Variants in ZBTB46 observed in about 807,000 individuals in gnomAD.
ZBTB46 encodes the protein zinc finger and BTB domain containing 46.
A neutral mutation model predicts 44.1 loss-of-function variants in ZBTB46; 8 were observed. The ratio of observed to expected loss-of-function variants is 0.18; its 90% CI spans 0.11 to 0.33. The LOEUF (loss-of-function observed/expected upper bound fraction) is 0.33. ZBTB46 is among the 10% of genes least tolerant of loss of function. The probability of loss-of-function intolerance (pLI) is 1.00; values close to 1 mark genes in which losing one functional copy is unlikely to be tolerated. For missense variants in ZBTB46, 651 were observed against 847.7 expected (o/e 0.77, Z 2.88); for synonymous variants, 409 against 382.3 (o/e 1.07, Z -0.81).
At chr20:63,774,458 GCAAA>G in intron 3 of ZBTB46, among the ~76,000 whole-genome samples, 1 of 152,144 alleles carries the variant, frequency 6.6e-6, no homozygotes, top group East Asian at 1.9e-4. Context: ...TCAATACTCA[GCAAA>G]CAATGTGTCC....
intron 1 of ZBTB46, among the ~76,000 whole-genome samples, chr20:63,819,134 C>T (rs2092777102): frequency 6.6e-6 from 1 of 152,176 alleles, no homozygotes; most frequent in Non-Finnish European, 1.5e-5. Flanking sequence ...GATCGCGCCA[C>T]TGCACTCCAG....
intron 3 of ZBTB46, among the ~76,000 whole-genome samples, chr20:63,761,477 A>C (rs2092276655): frequency 6.6e-6 from 1 of 151,986 alleles, no homozygotes. Flanking sequence ...GCATTTTTTC[A>C]TTATCATTCA....
chr20:63,800,731 C>T (rs1022260350), intron 1 of ZBTB46, among the ~76,000 whole-genome samples: 18 of 152,242 alleles, frequency 1.2e-4, no homozygotes, highest in African/African-American at 3.6e-4. Context: ...GCCGGCCCAC[C>T]GGCGCTGTGC....
At chr20:63,754,676 T>C (rs983590407) in intron 3 of ZBTB46, among the ~76,000 whole-genome samples, 1 of 151,802 alleles carries the variant, frequency 6.6e-6, no homozygotes, top group African/African-American at 2.4e-5. Flanking sequence ...CTCAGCTCAC[T>C]GCAAGCTCTG....
chr20:63,795,291 G>A (rs1289856296), intron 1 of ZBTB46, among the ~76,000 whole-genome samples: 3 of 152,332 alleles, frequency 2.0e-5, no homozygotes, highest in East Asian at 3.9e-4. Context: ...CTCACAAGCC[G>A]CGTCACCGTG....
chr20:63,815,879 G>GGACACA (rs2092750719), intron 1 of ZBTB46, among the ~76,000 whole-genome samples: 1 of 149,778 alleles, frequency 6.7e-6, no homozygotes, highest in South Asian at 2.1e-4. Flanking sequence ...CAGGTCCAGT[G>GGACACA]GGTGCAGGTG....
intron 1 of ZBTB46, among the ~76,000 whole-genome samples, chr20:63,812,428 G>C (rs577009430): frequency 2.5e-4 from 38 of 152,284 alleles, no homozygotes; most frequent in African/African-American, 7.7e-4. Flanking sequence ...CGAATCACGA[G>C]GTCAGGAGTT....
chr20:63,832,706 C>T (rs184668559), upstream of ZBTB46, among the ~76,000 whole-genome samples: 1 of 151,988 alleles, frequency 6.6e-6, no homozygotes. This position sits in a 1 kb window ranked among gnomAD's most constrained non-coding sequence, Gnocchi z 5.0. Flanking sequence ...CAGGAAGCCC[C>T]GTCGCCGGCC....
chr20:63,774,195 A>ACACGGCTCCT (rs1418648367), intron 3 of ZBTB46, among the ~76,000 whole-genome samples: 1 of 151,932 alleles, frequency 6.6e-6, no homozygotes, highest in African/African-American at 2.4e-5. Context: ...CCTTCGACGG[A>ACACGGCTCCT]CACGGCTCCT....
At position 63,788,836 on chromosome 20, in the gene ZBTB46, C is replaced by CT. The variant is rs1172831876; in HGVS notation, c.937+984dup. ...CCTGGGCAACACGGTGAGACTGTCTCTTTTTTTTTTTTTTTTGAGATGGAG... is the reference window on the plus strand; with the variant it reads ...CCTGGGCAACACGGTGAGACTGTCTCTTTTTTTTTTTTTTTTTGAGATGGAG... On this transcript the variant is annotated intron_variant, in intron 2 of 4. Transcript: ENST00000245663. 2.3e-3 allele frequency among the ~76,000 whole-genome samples: 311 copies of CT among 133,084 alleles called. 1 individual carries two copies. The highest frequency in any genetic ancestry group is 5.3e-3 in the African/African-American group (197 of 37,100). 87.3% of individuals were successfully genotyped at this position (133,084 alleles called of 152,430 possible).
At position 63,790,384 on chromosome 20, in the gene ZBTB46, A is replaced by C; in HGVS notation, c.374T>G (p.Ile125Ser). 6.2e-7 allele frequency: 1 copy of C among 1,613,180 alleles called. No individual in the cohort carries two copies. The highest frequency in any genetic ancestry group is 8.5e-7 in the Non-Finnish European group (1 of 1,179,910). ...GATGCTGATGTCCAGCGCCGCCTTG[A>C]TGAAGTCGTGGCAGGCTTGCACGAT... ...TDIVQACHDF[I>S]KAALDISIKS... The change falls in exon 2 of 5, where the codon ATC (isoleucine) becomes AGC (serine). Residue 125 changes from isoleucine to serine, a missense_variant. Ile to Ser is a moderately radical substitution (Grantham distance 142). Transcript: ENST00000245663.
chr20:63,760,356 G>A (rs775814012), intron 3 of ZBTB46, among the ~76,000 whole-genome samples: 8 of 152,140 alleles, frequency 5.3e-5, no homozygotes, highest in Admixed American at 1.3e-4. Flanking sequence ...CTGTTTTCCA[G>A]GAATTTTCCC....
intron 3 of ZBTB46, among the ~76,000 whole-genome samples, chr20:63,761,150 C>CA (rs1355347058): frequency 1.3e-5 from 2 of 149,848 alleles, no homozygotes; most frequent in Non-Finnish European, 3.0e-5. Context: ...AGGCACCCAC[C>CA]ACCATACCCG....
rs75565201 is a variant in ZBTB46, at chr20:63,757,051, T to C, written c.1223-4190A>G. Among the ~76,000 whole-genome samples, 1,150 of 152,302 alleles carry C rather than the reference T, an allele frequency of 7.6e-3. 11 individuals are homozygous for C. The highest frequency in any genetic ancestry group is 0.027 in the African/African-American group (1,108 of 41,558). Reference sequence around the variant, plus strand: ...TTCACCTGCTTGGCTTCCGCAGATATTGCCAATTTTCCAAAGATTTATGAT... The same window carrying C: ...TTCACCTGCTTGGCTTCCGCAGATACTGCCAATTTTCCAAAGATTTATGAT... On this transcript the variant is annotated intron_variant, in intron 3 of 4. Coordinates refer to ENST00000245663, the MANE Select transcript of ZBTB46 (RefSeq NM_001369741.1).
intron 1 of ZBTB46, among the ~76,000 whole-genome samples, chr20:63,795,464 C>A (rs1480698874): frequency 4.6e-5 from 7 of 152,274 alleles, no homozygotes; most frequent in African/African-American, 1.7e-4. Flanking sequence ...GGGGCCTGTC[C>A]TGCCAGGCAG....
chr20:63,752,895 G>T lies in ZBTB46; in HGVS notation c.1223-34C>A. The T allele has an allele frequency of 6.4e-7, 1 of 1,568,994 alleles. No homozygotes were observed. Among genetic ancestry groups the T allele is most frequent in the Non-Finnish European group, 8.7e-7 (1 of 1,152,592 alleles). On this transcript the variant is annotated intron_variant, in intron 3 of 4. Transcript: ENST00000245663. This position sits in a 1 kb window ranked among gnomAD's most constrained non-coding sequence, Gnocchi z 5.6. ...GAGGGACCCGCGAGGCGTCAGCAGG[G>T]CTTGGGATGTACCGCCCTGCGGCCC...
chr20:63,761,308 T>C (rs1440458778), intron 3 of ZBTB46, among the ~76,000 whole-genome samples: 1 of 151,862 alleles, frequency 6.6e-6, no homozygotes, highest in African/African-American at 2.4e-5. Flanking sequence ...CTGATATCTA[T>C]TCTTTATTTC....
Position 63,831,140 on chromosome 20 carries a change from C to T in ZBTB46, c.-77G>A, listed in dbSNP as rs2092849028. 7.0e-6 allele frequency: 1 copy of T among 142,230 alleles called. No individual in the cohort carries two copies. 8.8% of individuals were successfully genotyped at this position (142,230 alleles called of 1,614,324 possible). ...CGGGCGAGGGCGGGCGCCGCGGCCG[C>T]CGGGCCGGCGCCGGTGATCGCCGCC... On this transcript the variant is annotated 5_prime_UTR_variant, in exon 1 of 5. Coordinates refer to ENST00000245663, the MANE Select transcript of ZBTB46 (RefSeq NM_001369741.1).
intron 3 of ZBTB46, among the ~76,000 whole-genome samples, chr20:63,774,552 G>A (rs2092404322): frequency 6.6e-6 from 1 of 152,172 alleles, no homozygotes; most frequent in Non-Finnish European, 1.5e-5. Context: ...CCCCTGGAGA[G>A]AAACGGGAGG....
Sources: allele counts gnomAD v4.1 joint callset (sites outside exome capture counted in the v4.1 genomes callset), GRCh38; gene constraint gnomAD v4.1.1; non-coding constraint Gnocchi (gnomAD v3.1); transcripts MANE v1.5; gene names NCBI Gene and HGNC (gene_info 2026-07-23, HGNC 2026-07-21).